PTPRO: variants seen among roughly 807,000 people sequenced by gnomAD.
The protein encoded by PTPRO is receptor-type tyrosine-protein phosphatase O.
A neutral mutation model predicts 145.2 loss-of-function variants in PTPRO; 62 were observed. The ratio of observed to expected loss-of-function variants is 0.43; its 90% confidence interval spans 0.35 to 0.53. The LOEUF is 0.53. Ranked by LOEUF, PTPRO falls within the 20% of genes least tolerant of loss-of-function variation. The pLI is 0.01. For synonymous variants in PTPRO, 565 were observed against 514.7 expected, an observed-to-expected ratio of 1.10 and a Z score of -1.32; for missense variants, 1,345 against 1,482.7, an observed-to-expected ratio of 0.91 and a Z score of 1.53.
intron 6 of PTPRO, among the ~76,000 whole-genome samples, chr12:15,507,324 A>T (rs1942341242): frequency 6.6e-6 from 1 of 151,828 alleles, no homozygotes; most frequent in Admixed American, 6.6e-5. Context: ...GAGGCAGGAG[A>T]ATCGCTTGAA....
At chr12:15,458,873 A>T (rs1783429178) in intron 1 of PTPRO, among the ~76,000 whole-genome samples, 1 of 152,082 alleles carries the variant, frequency 6.6e-6, no homozygotes, top group Non-Finnish European at 1.5e-5. Flanking sequence ...TGTTTTGGAC[A>T]TATTTACCTG....
intron 10 of PTPRO, among the ~76,000 whole-genome samples, chr12:15,522,106 T>C (rs1370859127): frequency 2.0e-5 from 3 of 150,794 alleles, no homozygotes; most frequent in Non-Finnish European, 4.4e-5. Flanking sequence ...ATAATAATAA[T>C]AAATACATAA....
chr12:15,466,888 C>T (rs935454415), intron 1 of PTPRO, among the ~76,000 whole-genome samples: 19 of 152,078 alleles, frequency 1.2e-4, no homozygotes, highest in African/African-American at 3.6e-4. Context: ...AGGAATCATC[C>T]GTGGCACAAA....
intron 1 of PTPRO, among the ~76,000 whole-genome samples, chr12:15,360,976 A>ATATACACACACATATATACACACGTG (rs1555148720): frequency 1.6e-5 from 2 of 128,482 alleles, no homozygotes; most frequent in Admixed American, 7.7e-5. Flanking sequence ...ATACACACGT[A>ATATACACACACATATATACACACGTG]TATATACACA....
Position 15,499,538 on chromosome 12 carries a change from A to G in PTPRO, c.605A>G (p.Lys202Arg), listed in dbSNP as rs777619953. The G allele has an allele frequency of 1.2e-6, 2 of 1,613,906 alleles. No individual in the cohort carries two copies. Among genetic ancestry groups the G allele is most frequent in the East Asian group, 4.5e-5 (2 of 44,846 alleles). ...FQLVSEATFNKSTLVEYSGVS... is the reference protein window; with the variant it reads ...FQLVSEATFNRSTLVEYSGVS... ...CTGGTATCTGAGGCAACTTTTAATA[A>G]AAGTACCCTTGTTGAGTACAGTGGT... is the stretch of plus-strand genomic sequence containing the variant. The change falls in exon 4 of 27, where the codon AAA becomes AGA. Residue 202 changes from lysine (K) to arginine (R), a missense_variant. Transcript: ENST00000281171.
At chr12:15,476,643 G>A (rs936543338) in intron 1 of PTPRO, among the ~76,000 whole-genome samples, 6 of 151,772 alleles carry the variant, frequency 4.0e-5, no homozygotes, top group African/African-American at 1.2e-4. Context: ...CCTTGCCCAC[G>A]CCTATGTCCT....
In PTPRO at chr12:15,407,103, T is replaced by G. The variant is rs559672698; in HGVS notation, c.76-76871T>G. Reference sequence around the variant, plus strand: ...TCCTTGAGCTTTTGGATCACAGAAATGAGAATGCTGCTGTTCCTCCACTGC... The same window carrying G: ...TCCTTGAGCTTTTGGATCACAGAAAGGAGAATGCTGCTGTTCCTCCACTGC... On this transcript the variant is annotated intron_variant, in intron 1 of 26. Coordinates refer to ENST00000281171, the MANE Select transcript of PTPRO (RefSeq NM_030667.3). 2.0e-4 allele frequency among the ~76,000 whole-genome samples: 30 copies of G among 152,336 alleles called. No homozygotes were observed. The South Asian group carries it at 5.8e-3, about 29-fold the overall frequency.
At chr12:15,548,791 G>A (rs1485309394) in intron 13 of PTPRO, among the ~76,000 whole-genome samples, 1 of 152,046 alleles carries the variant, frequency 6.6e-6, no homozygotes, top group Admixed American at 6.6e-5. Context: ...AAAAAAATTA[G>A]CAGAATAATG....
At chr12:15,541,596 C>G (rs576593197) in intron 12 of PTPRO, among the ~76,000 whole-genome samples, 37 of 152,176 alleles carry the variant, frequency 2.4e-4, no homozygotes, top group Non-Finnish European at 4.7e-4. Context: ...TGTCCTCACA[C>G]GGTCTTTTCT....
At chr12:15,567,607 A>T (rs1056133360) in intron 18 of PTPRO, among the ~76,000 whole-genome samples, 2 of 152,104 alleles carry the variant, frequency 1.3e-5, no homozygotes, top group African/African-American at 4.8e-5. Flanking sequence ...TCCTAGTAAC[A>T]AGATGAAAGC....
intron 4 of PTPRO, among the ~76,000 whole-genome samples, chr12:15,500,887 A>T (rs1458183908): frequency 1.3e-5 from 2 of 152,138 alleles, no homozygotes; most frequent in Admixed American, 6.6e-5. Context: ...ACGTCATTGC[A>T]CTCTAGCCTG....
chr12:15,559,563 C>T (rs1357641806), intron 16 of PTPRO, among the ~76,000 whole-genome samples: 5 of 152,150 alleles, frequency 3.3e-5, no homozygotes, highest in Non-Finnish European at 7.4e-5. Context: ...AGGTCACAGA[C>T]TAAGTAGTTG....
At chr12:15,338,930 A>G (rs564247498) in intron 1 of PTPRO, among the ~76,000 whole-genome samples, 6 of 152,290 alleles carry the variant, frequency 3.9e-5, no homozygotes, top group African/African-American at 1.4e-4. Context: ...CCTCATTTTA[A>G]GAGTACAAAA....
At chr12:15,444,580 T>TC (rs1456606562) in intron 1 of PTPRO, among the ~76,000 whole-genome samples, 1 of 148,156 alleles carries the variant, frequency 6.7e-6, no homozygotes, top group Non-Finnish European at 1.5e-5. Context: ...TTTATTCCCC[T>TC]CCCCCGCCCA....
intron 1 of PTPRO, among the ~76,000 whole-genome samples, chr12:15,467,403 G>A (rs1013113418): frequency 1.7e-5 from 2 of 120,484 alleles, no homozygotes; most frequent in African/African-American, 6.0e-5. Context: ...TAGTGAGGTA[G>A]GGGTGAGTGT....
At position 15,497,470 on chromosome 12, in the gene PTPRO, T is replaced by C. The variant is rs1942131059; in HGVS notation, c.508+67T>C. 5 of 1,500,226 alleles carry C rather than the reference T, an allele frequency of 3.3e-6. No individual in the cohort carries two copies. In the African/African-American group the frequency reaches 5.5e-5, roughly 17 times the overall value. 92.9% of individuals were successfully genotyped at this position (1,500,226 alleles called of 1,614,324 possible). On this transcript the variant is annotated intron_variant, in intron 3 of 26. Transcript: ENST00000281171. ...TTTTTACAAAGCTTTTCCCAAATGATGTTCTCTCTTACTGCAAAGAGGTTT... is the reference window on the plus strand; with the variant it reads ...TTTTTACAAAGCTTTTCCCAAATGACGTTCTCTCTTACTGCAAAGAGGTTT...
chr12:15,535,457 C>T (rs1943048191), intron 12 of PTPRO, among the ~76,000 whole-genome samples: 1 of 152,184 alleles, frequency 6.6e-6, no homozygotes, highest in Non-Finnish European at 1.5e-5. Flanking sequence ...CAGAATTGCA[C>T]ACCACCATCA....
chr12:15,577,025 G>A (rs1459862822), intron 19 of PTPRO, among the ~76,000 whole-genome samples: 2 of 152,060 alleles, frequency 1.3e-5, no homozygotes, highest in African/African-American at 4.8e-5. Context: ...CTTCTTACAA[G>A]AAAAATAGAG....
At chr12:15,592,479 T>A (rs1396206894) in intron 25 of PTPRO, among the ~76,000 whole-genome samples, 1 of 152,102 alleles carries the variant, frequency 6.6e-6, no homozygotes, top group Non-Finnish European at 1.5e-5. Context: ...ACCCAAAAAA[T>A]TGCAGAAGTA....
Sources: allele counts gnomAD v4.1 joint callset (sites outside exome capture counted in the v4.1 genomes callset), GRCh38; gene constraint gnomAD v4.1.1; transcripts MANE v1.5; gene names NCBI Gene and HGNC (gene_info 2026-07-23, HGNC 2026-07-21).